Variants in MCFD2 observed in about 807,000 individuals in gnomAD.
MCFD2 encodes the protein multiple coagulation factor deficiency protein 2.
In MCFD2, 11 loss-of-function variants were observed where a neutral mutation model predicts 12.8. The observed-to-expected ratio is 0.86, with a 90% CI of 0.54 to 1.42. The LOEUF (loss-of-function observed/expected upper bound fraction) is 1.42. Ranked by LOEUF, MCFD2 falls within the 40% of genes most tolerant of loss-of-function variation. The pLI is 0.00. For synonymous variants in MCFD2, 70 were observed against 68.1 expected (o/e 1.03, Z -0.14); for missense variants, 191 against 178.6 (o/e 1.07, Z -0.40).
chr2:46,919,468 G>T (rs1668987179), upstream of MCFD2, among the ~76,000 whole-genome samples: 1 of 152,220 alleles, frequency 6.6e-6, no homozygotes. Context: ...GGGCAGCAGA[G>T]GTTGAGGTGA....
In MCFD2 at chr2:46,928,459, TAAAAAAAA is replaced by T. The variant is rs35897582; in HGVS notation, c.-8+13105_-8+13112del. On this transcript the variant is annotated intron_variant, in intron 1 of 2. Transcript: ENST00000409147. Reference sequence around the variant, plus strand: ...AAGCTCAGGTGGTGGAAAGGGAAATTAAAAAAAAAAAAAAAAAAAAAAAAAACTTGGGC... The same window carrying T: ...AAGCTCAGGTGGTGGAAAGGGAAATTAAAAAAAAAAAAAAAAAACTTGGGC... Among the ~76,000 whole-genome samples the T allele has an allele frequency of 4.6e-4, 38 of 81,986 alleles. 1 individual carries two copies. The highest frequency in any genetic ancestry group is 1.4e-3 in the African/African-American group (36 of 26,046). The allele number at this position is 81,986 out of a possible 152,430, so 53.8% of individuals were successfully genotyped here.
rs1252204068 is a variant in MCFD2, at chr2:46,941,235, T to TGCAGCG, written c.-8+331_-8+336dup. On this transcript the variant is annotated intron_variant, in intron 1 of 2. Transcript: ENST00000409147. The surrounding 1 kb of genome is among the most constrained non-coding windows in gnomAD (Gnocchi z 4.2). ...CCGGGGCGGAGGCTGTGGCAGCAGC[T>TGCAGCG]GCAGCGGCGGCGGCGGCGGCAGCGC... 1.4e-4 allele frequency: 21 copies of TGCAGCG among 149,794 alleles called. No individual in the cohort carries two copies. The highest frequency in any genetic ancestry group is 5.2e-4 in the African/African-American group (21 of 40,456). The allele number at this position is 149,794 out of a possible 1,614,324, so 9.3% of individuals were successfully genotyped here.
rs763108581 is a variant in MCFD2 at position 46,907,637 on chromosome 2, TC to T, written c.309+172del. ...GGTCTTGAACTCCTGGCTCAAGTGA[TC>T]CTTCCACTTTGGCCTCCCAAAGTGC... is the stretch of plus-strand genomic sequence containing the variant. On this transcript the variant is annotated intron_variant, in intron 3 of 3. Coordinates refer to ENST00000319466, the MANE Select transcript of MCFD2 (RefSeq NM_139279.6). This position sits in a 1 kb window ranked among gnomAD's most constrained non-coding sequence, Gnocchi z 4.1. 13 of 692,260 alleles carry T rather than the reference TC, an allele frequency of 1.9e-5. No homozygotes were observed. The highest frequency in any genetic ancestry group is 1.1e-4 in the South Asian group (7 of 61,620). The allele number at this position is 692,260 out of a possible 1,614,324, so 42.9% of individuals were successfully genotyped here.
At chr2:46,931,885 AT>A (rs1307678563) in intron 1 of MCFD2, among the ~76,000 whole-genome samples, 1 of 152,160 alleles carries the variant, frequency 6.6e-6, no homozygotes, top group African/African-American at 2.4e-5. Context: ...ATGTGTGCTA[AT>A]TTGTTAAGAA....
chr2:46,915,938 C>G (rs902676044), upstream of MCFD2: 2 of 985,224 alleles, frequency 2.0e-6, no homozygotes, highest in African/African-American at 1.7e-5. Flanking sequence ...CACGTGTAAT[C>G]GGCCCGGGCC....
At chr2:46,921,678 A>T (rs1669109966) in intron 1 of MCFD2, among the ~76,000 whole-genome samples, 1 of 152,244 alleles carries the variant, frequency 6.6e-6, no homozygotes, top group African/African-American at 2.4e-5. Flanking sequence ...ACCAGGGACC[A>T]GTTTCATGGA....
rs978291846 is a variant in MCFD2, at chr2:46,937,459, C to A, written c.-8+4113G>T. Among the ~76,000 whole-genome samples, 26 of 152,184 alleles carry A rather than the reference C, an allele frequency of 1.7e-4. No individual in the cohort carries two copies. Among genetic ancestry groups the A allele is most frequent in the African/African-American group, 6.3e-4 (26 of 41,448 alleles). Reference sequence around the variant, plus strand: ...CTGAAAGCCATTGTAAAAGACTCTTCAAGGCCTAAATGGGACTTCGAATTG... The same window carrying A: ...CTGAAAGCCATTGTAAAAGACTCTTAAAGGCCTAAATGGGACTTCGAATTG... On this transcript the variant is annotated intron_variant, in intron 1 of 2. Coordinates refer to the MCFD2 transcript ENST00000409147. This position sits in a 1 kb window ranked among gnomAD's most constrained non-coding sequence, Gnocchi z 4.0.
chr2:46,925,663 G>A (rs1381553885), intron 1 of MCFD2, among the ~76,000 whole-genome samples: 2 of 152,108 alleles, frequency 1.3e-5, no homozygotes, highest in South Asian at 4.1e-4. Context: ...CAGTTCCTAA[G>A]CTGACTTCTC....
chr2:46,917,834 C>A (rs543434014), upstream of MCFD2, among the ~76,000 whole-genome samples: 2 of 152,276 alleles, frequency 1.3e-5, no homozygotes, highest in African/African-American at 4.8e-5. Flanking sequence ...CTTAGAAACA[C>A]TTTCTTCTCT....
chr2:46,905,433 G>C lies in MCFD2; in HGVS notation c.*30C>G. The C allele has an allele frequency of 6.2e-7, 1 of 1,610,574 alleles. No homozygotes were observed. The highest frequency in any genetic ancestry group is 8.5e-7 in the Non-Finnish European group (1 of 1,178,656). The stretch of plus-strand genomic sequence containing the variant: ...AATCACATTATCACGGGTCACATTT[G>C]TATATAACCAGGAGATGGCCAAATA... On this transcript the variant is annotated 3_prime_UTR_variant, in exon 4 of 4. Transcript: ENST00000319466.
rs750887765 is a variant in MCFD2, at chr2:46,941,630, C to T, written c.-66G>A. The stretch of plus-strand genomic sequence containing the variant: ...GCCGAGGGCCACTGGGACCGCATGC[C>T]GGAGCTGGTCCGGCAGCTGCAGACG... On this transcript the variant is annotated 5_prime_UTR_variant, in exon 1 of 3. Coordinates refer to the MCFD2 transcript ENST00000409147. This position sits in a 1 kb window ranked among gnomAD's most constrained non-coding sequence, Gnocchi z 4.2. The T allele has an allele frequency of 9.0e-6, 14 of 1,554,746 alleles. No homozygotes were observed. The highest frequency in any genetic ancestry group is 1.7e-4 in the Middle Eastern group (1 of 5,926).
intron 1 of MCFD2, among the ~76,000 whole-genome samples, chr2:46,936,808 T>C (rs907361183): frequency 6.6e-6 from 1 of 152,110 alleles, no homozygotes; most frequent in East Asian, 1.9e-4. Context: ...TCCAGTGGTC[T>C]TCTTTTTTTT....
chr2:46,932,529 G>T (rs1344034068), intron 1 of MCFD2, among the ~76,000 whole-genome samples: 1 of 152,044 alleles, frequency 6.6e-6, no homozygotes, highest in Non-Finnish European at 1.5e-5. Context: ...TTTCTTTTGT[G>T]TTATTTTACA....
chr2:46,934,166 C>CTATT (rs1669848805), intron 1 of MCFD2, among the ~76,000 whole-genome samples: 1 of 152,236 alleles, frequency 6.6e-6, no homozygotes, highest in Admixed American at 6.5e-5. Flanking sequence ...CATGGCTTTA[C>CTATT]TATTGCAGGA....
chr2:46,932,503 G>A (rs75746466), intron 1 of MCFD2, among the ~76,000 whole-genome samples: 15,051 of 152,086 alleles, frequency 0.099, 822 homozygotes, highest in Middle Eastern at 0.12. Context: ...GCTGTATAAT[G>A]ATTACATCTA....
rs780757527 is a variant in MCFD2, at chr2:46,941,632, G to T, written c.-68C>A. On this transcript the variant is annotated 5_prime_UTR_variant, in exon 1 of 3. Coordinates refer to the MCFD2 transcript ENST00000409147. The surrounding 1 kb of genome is among the most constrained non-coding windows in gnomAD (Gnocchi z 4.2). ...CGAGGGCCACTGGGACCGCATGCCG[G>T]AGCTGGTCCGGCAGCTGCAGACGCT... 4.5e-6 allele frequency: 7 copies of T among 1,554,498 alleles called. No individual in the cohort carries two copies. The highest frequency in any genetic ancestry group is 4.3e-6 in the Non-Finnish European group (5 of 1,149,484).
intron 1 of MCFD2, among the ~76,000 whole-genome samples, chr2:46,926,610 G>C (rs1669395407): frequency 6.6e-6 from 1 of 152,164 alleles, no homozygotes; most frequent in African/African-American, 2.4e-5. Flanking sequence ...ATTTCAGATT[G>C]GTAGAGCCCC....
chr2:46,927,358 T>A, intron 1 of MCFD2, among the ~76,000 whole-genome samples: 1 of 136,660 alleles, frequency 7.3e-6, no homozygotes, highest in Non-Finnish European at 1.7e-5. Flanking sequence ...AAAAAAGATT[T>A]TTTTTTTTTT....
At chr2:46,917,378 G>A (rs1389846495), upstream of MCFD2, 1 of 584,440 alleles carries the variant, frequency 1.7e-6, no homozygotes, top group Non-Finnish European at 3.0e-6. Flanking sequence ...GGATTAGTTT[G>A]ATCTAGTTCC....
Sources: allele counts gnomAD v4.1 joint callset (sites outside exome capture counted in the v4.1 genomes callset), GRCh38; gene constraint gnomAD v4.1.1; non-coding constraint Gnocchi (gnomAD v3.1); transcripts MANE v1.5; gene names NCBI Gene and HGNC (gene_info 2026-07-23, HGNC 2026-07-21).